The following LINGO3 variants were observed in gnomAD, a reference collection of about 807,000 sequenced individuals.
The protein encoded by LINGO3 is leucine rich repeat and Ig domain containing 3.
For synonymous variants in LINGO3, 427 were observed against 444.2 expected (o/e 0.96, Z 0.49); for missense variants, 750 against 867.7 (o/e 0.86, Z 1.70).
At chr19:2,292,033 A>G (rs1049291960), upstream of LINGO3, 28 of 473,286 alleles carry the variant, frequency 5.9e-5, no homozygotes, top group African/African-American at 5.8e-4. Flanking sequence ...ACAAAAAAAT[A>G]AAAGATGAGC....
chr19:2,291,540 C>A (rs1183413496), exon 1 of LINGO3: 1 of 1,600,286 alleles, frequency 6.2e-7, no homozygotes. Flanking sequence ...GCTCCTCCAG[C>A]GCGGGCAGCG....
the LINGO3 span, among the ~76,000 whole-genome samples, chr19:2,301,550 C>T: frequency 6.6e-6 from 1 of 152,150 alleles, no homozygotes; most frequent in African/African-American, 2.4e-5. Flanking sequence ...CAGGGTGATT[C>T]AGCCTGTTTT....
At position 2,290,492 on chromosome 19, in the gene LINGO3, A is replaced by G; in HGVS notation, c.1285T>C (p.Cys429Arg). Residue 429 changes from cysteine (C) to arginine (R), a missense_variant, in exon 1 of 1, where the codon TGC (cysteine) becomes CGC (arginine). Coordinates refer to ENST00000585527, the Ensembl canonical transcript of LINGO3. This position sits in a 1 kb window ranked among gnomAD's most constrained non-coding sequence, Gnocchi z 6.0. The stretch of plus-strand genomic sequence containing the variant: ...GGCGCCGGCTCGCCCTCGGCGCGGC[A>G]GAGGAAGCGGACGTCTTCGCCCGCG... The G allele has an allele frequency of 8.1e-6, 12 of 1,489,926 alleles. No homozygotes were observed. Among genetic ancestry groups the G allele is most frequent in the Non-Finnish European group, 1.1e-5 (12 of 1,125,032 alleles). The allele number at this position is 1,489,926 out of a possible 1,614,324, so 92.3% of individuals were successfully genotyped here.
upstream of LINGO3, among the ~76,000 whole-genome samples, chr19:2,296,212 A>T (rs963997972): frequency 8.5e-5 from 13 of 152,062 alleles, no homozygotes; most frequent in African/African-American, 3.1e-4. Context: ...TGGCACTTTT[A>T]TCTGCCCCCC....
At chr19:2,294,098 G>A (rs1321053100), upstream of LINGO3, among the ~76,000 whole-genome samples, 1 of 152,168 alleles carries the variant, frequency 6.6e-6, no homozygotes, top group South Asian at 2.1e-4. The surrounding 1 kb of genome is among the most constrained non-coding windows in gnomAD (Gnocchi z 4.3). Flanking sequence ...TGCCTGCTGT[G>A]CACGGGACCT....
chr19:2,290,317 C>T lies in LINGO3; in HGVS notation c.1460G>A (p.Gly487Asp). ...CAGCGTGGCGAAGTAGGTGTCGTTG[C>T]CGCCCGCGTTGCTGGCCACGCACGT... The change falls in exon 1 of 1, where the codon GGC becomes GAC. Residue 487 changes from glycine (G) to aspartate (D), a missense_variant. Transcript: ENST00000585527. The surrounding 1 kb of genome is among the most constrained non-coding windows in gnomAD (Gnocchi z 6.0). 1 of 1,561,596 alleles carries T rather than the reference C, an allele frequency of 6.4e-7. No homozygotes were observed. The highest frequency in any genetic ancestry group is 8.6e-7 in the Non-Finnish European group (1 of 1,160,514).
At chr19:2,289,210 G>T (rs188298097), downstream of LINGO3, among the ~76,000 whole-genome samples, 3 of 149,430 alleles carry the variant, frequency 2.0e-5, no homozygotes, top group African/African-American at 7.4e-5. Context: ...CCGGGTGTGA[G>T]CTGTGTTTCC....
chr19:2,293,532 G>A (rs1599165313), upstream of LINGO3, among the ~76,000 whole-genome samples: 1 of 151,164 alleles, frequency 6.6e-6, no homozygotes, highest in Non-Finnish European at 1.5e-5. Flanking sequence ...GCTAATTTTT[G>A]TAGTTTTAGT....
upstream of LINGO3, among the ~76,000 whole-genome samples, chr19:2,296,828 C>G (rs554193673): frequency 1.3e-5 from 2 of 151,370 alleles, no homozygotes; most frequent in South Asian, 4.2e-4. Context: ...GTGGCTCACA[C>G]CTGTAATCCC....
chr19:2,291,530 G>C (rs1254453297), exon 1 of LINGO3: 1 of 1,606,360 alleles, frequency 6.2e-7, no homozygotes, highest in Non-Finnish European at 8.5e-7. Flanking sequence ...CTCAGGTCCA[G>C]CTCCTCCAGC....
rs1314328314 is a variant in LINGO3 at position 2,290,858 on chromosome 19, C to T, written c.919G>A (p.Ala307Thr). 1.9e-6 allele frequency: 3 copies of T among 1,611,690 alleles called. No homozygotes were observed. Among genetic ancestry groups the T allele is most frequent in the Non-Finnish European group, 2.5e-6 (3 of 1,179,286 alleles). The change falls in exon 1 of 1, where the codon GCT becomes ACT. Residue 307 changes from alanine (A) to threonine (T), a missense_variant. Coordinates refer to ENST00000585527, the Ensembl canonical transcript of LINGO3. This position sits in a 1 kb window ranked among gnomAD's most constrained non-coding sequence, Gnocchi z 6.0. ...AGGAAGGCCTGCGGCTCCACCACAG[C>T]CAGCAGGGCCCCGGCCAGGTGCAGC...
chr19:2,298,882 G>A, the LINGO3 span, among the ~76,000 whole-genome samples: 398 of 152,166 alleles, frequency 2.6e-3, 1 homozygote, highest in Admixed American at 5.0e-3. Flanking sequence ...CACAGATAAG[G>A]GCAAAATCAG....
At chr19:2,292,505 T>C (rs2025535175), upstream of LINGO3, among the ~76,000 whole-genome samples, 1 of 151,880 alleles carries the variant, frequency 6.6e-6, no homozygotes, top group Non-Finnish European at 1.5e-5. Context: ...TGTTTGTCTG[T>C]TTGAGATGGA....
At chr19:2,300,410 GCTCT>G in the LINGO3 span, among the ~76,000 whole-genome samples, 2 of 151,742 alleles carry the variant, frequency 1.3e-5, no homozygotes, top group African/African-American at 2.4e-5. Context: ...CACTTTCAGG[GCTCT>G]CTATCTCCAT....
chr19:2,298,290 G>C, the LINGO3 span, among the ~76,000 whole-genome samples: 1 of 152,106 alleles, frequency 6.6e-6, no homozygotes, highest in Non-Finnish European at 1.5e-5. Context: ...GAGTGCAGTG[G>C]TGTGATCTCG....
Position 2,290,228 on chromosome 19 carries a change from C to T in LINGO3, c.1549G>A (p.Ala517Thr), listed in dbSNP as rs1458729737. ...GTGAGGTCGAGCGGCGCGCGCAGGGCCGCCAGCGTCTCGTTGTGGGCCTCG... is the reference window on the plus strand; with the variant it reads ...GTGAGGTCGAGCGGCGCGCGCAGGGTCGCCAGCGTCTCGTTGTGGGCCTCG... Residue 517 changes from alanine (A) to threonine (T), a missense_variant, in exon 1 of 1, where the codon GCC becomes ACC. By Grantham distance (58) the Ala-to-Thr change is moderately conservative (BLOSUM62 0). Transcript: ENST00000585527. The surrounding 1 kb of genome is among the most constrained non-coding windows in gnomAD (Gnocchi z 6.0). 1.9e-6 allele frequency: 3 copies of T among 1,605,814 alleles called. No homozygotes were observed. Among genetic ancestry groups the T allele is most frequent in the South Asian group, 1.1e-5 (1 of 90,760 alleles).
At chr19:2,298,960 G>A in the LINGO3 span, among the ~76,000 whole-genome samples, 1 of 152,190 alleles carries the variant, frequency 6.6e-6, no homozygotes, top group Admixed American at 6.5e-5. Context: ...AGTGGCAGAA[G>A]TGCCTGCGGG....
exon 1 of LINGO3, chr19:2,291,251 G>A: frequency 6.2e-7 from 1 of 1,612,062 alleles, no homozygotes; most frequent in Non-Finnish European, 8.5e-7. Flanking sequence ...AGCTCCTCCA[G>A]GGCCAGCAGC....
At position 2,290,660 on chromosome 19, in the gene LINGO3, C is replaced by G. The variant is rs1490786227; in HGVS notation, c.1117G>C (p.Asp373His). ...GTGGCGCAGGCCGGCAGCCGCCCGT[C>G]GAAGTTGAGGGTCTTGCGACGCTGC... Residue 373 changes from aspartate (D) to histidine (H), a missense_variant, in exon 1 of 1, where the codon GAC (aspartate) becomes CAC (histidine). By Grantham distance (81) the Asp-to-His change is moderately conservative. Coordinates refer to ENST00000585527, the Ensembl canonical transcript of LINGO3. The surrounding 1 kb of genome is among the most constrained non-coding windows in gnomAD (Gnocchi z 6.0). 6.2e-6 allele frequency: 10 copies of G among 1,606,000 alleles called. No homozygotes were observed. In the East Asian group the frequency reaches 2.2e-4, roughly 36 times the overall value.
Sources: gnomAD v4.1 joint callset for allele counts (sites outside exome capture counted in the v4.1 genomes callset) on GRCh38, gnomAD v4.1.1 for gene constraint, Gnocchi (gnomAD v3.1) non-coding constraint, MANE v1.5 for transcripts, NCBI Gene and HGNC (gene_info 2026-07-23, HGNC 2026-07-21) for gene names.